AKAP6: variants seen among roughly 807,000 people sequenced by gnomAD.
AKAP6 encodes A-kinase anchor protein 6.
AKAP6 carries 58 observed loss-of-function variants against 188.5 expected under a neutral mutation model. That is an observed-to-expected ratio of 0.31 (90% CI 0.25 to 0.38). AKAP6 has a LOEUF of 0.38. Among genes scored for constraint, AKAP6 ranks in the 10% least tolerant of loss-of-function variants. The probability of loss-of-function intolerance (pLI) is 1.00; values close to 1 mark genes in which losing one functional copy is unlikely to be tolerated. For missense variants in AKAP6, 2,710 were observed against 2,740.0 expected, an observed-to-expected ratio of 0.99 and a Z score of 0.24; for synonymous variants, 989 against 998.6, an observed-to-expected ratio of 0.99 and a Z score of 0.18.
At chr14:32,419,155 C>A (rs989376525) in intron 1 of AKAP6, among the ~76,000 whole-genome samples, 1 of 152,110 alleles carries the variant, frequency 6.6e-6, no homozygotes, top group Non-Finnish European at 1.5e-5. Flanking sequence ...GAAATTGTTT[C>A]TTTGAAAAGC....
At chr14:32,428,358 G>A (rs1182522573) in intron 1 of AKAP6, among the ~76,000 whole-genome samples, 1 of 151,834 alleles carries the variant, frequency 6.6e-6, no homozygotes, top group Non-Finnish European at 1.5e-5. Context: ...TTCCAAATAG[G>A]GACTGCATAG....
At chr14:32,688,965 TC>T (rs1299706754) in intron 8 of AKAP6, among the ~76,000 whole-genome samples, 23 of 152,186 alleles carry the variant, frequency 1.5e-4, no homozygotes, top group African/African-American at 2.4e-5. Flanking sequence ...AATAGGGTAA[TC>T]CTTTTATGAA....
At chr14:32,770,554 T>A (rs562933348) in intron 11 of AKAP6, among the ~76,000 whole-genome samples, 2 of 152,328 alleles carry the variant, frequency 1.3e-5, no homozygotes, top group South Asian at 4.1e-4. Flanking sequence ...CCAGCTCAGC[T>A]GCTTCACTGT....
chr14:32,786,492 A>T (rs1964831), intron 12 of AKAP6, among the ~76,000 whole-genome samples: 76,293 of 148,554 alleles, frequency 0.51, 20,378 homozygotes, highest in Admixed American at 0.59. Flanking sequence ...ATTTTATTTT[A>T]TTTTTTTATT....
chr14:32,822,372 C>T lies in AKAP6; in HGVS notation c.4559C>T (p.Pro1520Leu). 3 of 1,613,936 alleles carry T rather than the reference C, an allele frequency of 1.9e-6. No individual in the cohort carries two copies. Among genetic ancestry groups the T allele is most frequent in the Non-Finnish European group, 1.7e-6 (2 of 1,179,928 alleles). ...KSKHQTTELQ[P>L]DVPPHERILA... Reference sequence around the variant, plus strand: ...AAACATCAGACTACAGAGTTACAACCAGATGTACCTCCCCATGAAAGGATT... The same window carrying T: ...AAACATCAGACTACAGAGTTACAACTAGATGTACCTCCCCATGAAAGGATT... Residue 1520 changes from proline (P) to leucine (L), a missense_variant, in exon 13 of 14, where the codon CCA (proline) becomes CTA (leucine). Around this residue, in one of 2 missense-constraint regions of AKAP6, gnomAD observed 2,473 missense variants for 2,426.1 expected, o/e 1.02. Transcript: ENST00000280979.
intron 11 of AKAP6, among the ~76,000 whole-genome samples, chr14:32,747,419 A>G (rs1476046102): frequency 1.3e-5 from 2 of 152,212 alleles, no homozygotes; most frequent in African/African-American, 4.8e-5. Context: ...CATACAAAAC[A>G]CTTTCAAATT....
chr14:32,764,252 A>G (rs1365972234), intron 11 of AKAP6, among the ~76,000 whole-genome samples: 2 of 152,198 alleles, frequency 1.3e-5, no homozygotes, highest in African/African-American at 4.8e-5. Flanking sequence ...CTATTATGAA[A>G]AGTGTTCCAT....
intron 4 of AKAP6, among the ~76,000 whole-genome samples, chr14:32,569,886 G>T (rs554126755): frequency 6.6e-6 from 1 of 152,206 alleles, no homozygotes; most frequent in South Asian, 2.1e-4. Flanking sequence ...AAAGAATGTA[G>T]CCCGTTTTGA....
chr14:32,533,028 A>T (rs1361266613), intron 2 of AKAP6, among the ~76,000 whole-genome samples: 1 of 152,160 alleles, frequency 6.6e-6, no homozygotes, highest in Admixed American at 6.6e-5. Context: ...AGGTGAAGTG[A>T]TAGTGAAGTC....
At chr14:32,636,817 C>T (rs187394544) in intron 7 of AKAP6, among the ~76,000 whole-genome samples, 2 of 152,100 alleles carry the variant, frequency 1.3e-5, no homozygotes, top group Admixed American at 6.6e-5. Context: ...AGACTGTGAA[C>T]GGACTTGTGT....
chr14:32,807,932 A>T (rs572439419), intron 12 of AKAP6, among the ~76,000 whole-genome samples: 22 of 152,236 alleles, frequency 1.4e-4, no homozygotes, highest in Non-Finnish European at 2.9e-4. Context: ...AGTGGTCATA[A>T]TAACACTGTA....
In AKAP6 at chr14:32,735,755, A is replaced by G; in HGVS notation, c.3245A>G (p.Gln1082Arg). The G allele has an allele frequency of 1.9e-6, 3 of 1,613,622 alleles. No individual in the cohort carries two copies. Among genetic ancestry groups the G allele is most frequent in the Non-Finnish European group, 2.5e-6 (3 of 1,179,758 alleles). ...LSPESGSLVR[Q>R]LEVRIKELKG... ...CCTGAAAGTGGAAGCCTGGTAAGGC[A>G]GCTGGAGGTCAGGATCAAAGAACTG... is the stretch of plus-strand genomic sequence containing the variant. Residue 1082 changes from glutamine to arginine, a missense_variant, in exon 11 of 14, where the codon CAG (glutamine) becomes CGG (arginine). Gln to Arg is a conservative substitution (Grantham distance 43). Transcript: ENST00000280979.
intron 11 of AKAP6, among the ~76,000 whole-genome samples, chr14:32,740,832 C>T (rs1302278990): frequency 6.6e-6 from 1 of 151,904 alleles, no homozygotes; most frequent in Non-Finnish European, 1.5e-5. Context: ...CTCAGGATAG[C>T]TTTAGCTATT....
At chr14:32,464,679 C>T (rs1878296956) in intron 2 of AKAP6, among the ~76,000 whole-genome samples, 1 of 152,164 alleles carries the variant, frequency 6.6e-6, no homozygotes, top group Non-Finnish European at 1.5e-5. Context: ...CATTTGAAAA[C>T]CGGCACAAGA....
At chr14:32,674,660 G>A (rs1889354343) in intron 7 of AKAP6, among the ~76,000 whole-genome samples, 1 of 152,180 alleles carries the variant, frequency 6.6e-6, no homozygotes, top group South Asian at 2.1e-4. Flanking sequence ...GATGTGGTAA[G>A]GATGAGAATG....
At chr14:32,667,476 A>G (rs1324187101) in intron 7 of AKAP6, among the ~76,000 whole-genome samples, 2 of 152,122 alleles carry the variant, frequency 1.3e-5, no homozygotes, top group East Asian at 3.9e-4. Flanking sequence ...ACAAAAAAAT[A>G]AAATGACTTG....
intron 1 of AKAP6, among the ~76,000 whole-genome samples, chr14:32,392,725 T>C (rs1888752427): frequency 6.6e-6 from 1 of 152,102 alleles, no homozygotes; most frequent in Non-Finnish European, 1.5e-5. Flanking sequence ...CAAGTAGATA[T>C]AGGAGCCCAG....
chr14:32,638,815 T>TTATTA (rs1412734355), intron 7 of AKAP6, among the ~76,000 whole-genome samples: 1 of 151,926 alleles, frequency 6.6e-6, no homozygotes, highest in Admixed American at 6.6e-5. Context: ...GAAAACAGAC[T>TTATTA]TGTTAATATT....
intron 2 of AKAP6, among the ~76,000 whole-genome samples, chr14:32,492,662 A>G (rs1880099386): frequency 6.6e-6 from 1 of 151,830 alleles, no homozygotes; most frequent in Non-Finnish European, 1.5e-5. Context: ...TTTCCCTGCC[A>G]GGATATAACT....
Sources: allele counts gnomAD v4.1 joint callset (sites outside exome capture counted in the v4.1 genomes callset), GRCh38; gene constraint gnomAD v4.1.1; regional missense constraint gnomAD v4.1.1; transcripts MANE v1.5; gene names NCBI Gene and HGNC (gene_info 2026-07-23, HGNC 2026-07-21).